MORN4: variants seen among roughly 807,000 people sequenced by gnomAD.
The protein encoded by MORN4 is MORN repeat containing 4.
Under a neutral mutation model 16.4 loss-of-function variants are expected in MORN4, and 8 were observed. That is an observed-to-expected ratio of 0.49 (90% CI 0.29 to 0.88). The LOEUF (loss-of-function observed/expected upper bound fraction) is 0.88. MORN4 is among the 40% of genes least tolerant of loss of function. MORN4 has a pLI of 0.09. For synonymous variants in MORN4, 53 were observed against 68.9 expected, an observed-to-expected ratio of 0.77 and a Z score of 1.14; for missense variants, 159 against 182.9, an observed-to-expected ratio of 0.87 and a Z score of 0.75.
intron 1 of MORN4, among the ~76,000 whole-genome samples, chr10:97,632,759 G>T (rs762427279): frequency 1.3e-5 from 2 of 151,608 alleles, no homozygotes; most frequent in African/African-American, 2.4e-5. Flanking sequence ...TGGGACTAGG[G>T]AGTAATACTG....
chr10:97,616,849 G>T, intron 3 of MORN4, 62 bp from the exon 4 acceptor site: 2 of 1,152,128 alleles, frequency 1.7e-6, no homozygotes, highest in Non-Finnish European at 2.6e-6. Context: ...GAACGGAGTC[G>T]AGCAGCTGCT....
chr10:97,614,919 CTG>C lies in MORN4; in HGVS notation c.*1342_*1343del, dbSNP rs1202941700. 6.6e-6 allele frequency: 1 copy of C among 152,614 alleles called. No homozygotes were observed. The highest frequency in any genetic ancestry group is 1.5e-5 in the Non-Finnish European group (1 of 68,062). The allele number at this position is 152,614 out of a possible 1,614,324, so 9.5% of individuals were successfully genotyped here. ...GATTTATTGGTCCACTGGGAAGAAA[CTG>C]TGTCAGCCCAAGCCATCCGTATGAA... is the stretch of plus-strand genomic sequence containing the variant. On this transcript the variant is annotated 3_prime_UTR_variant, in exon 5 of 5. Coordinates refer to ENST00000307450, the MANE Select transcript of MORN4 (RefSeq NM_178832.4).
At chr10:97,617,070 A>G in intron 3 of MORN4, 138 bp downstream of exon 3, 2 of 725,992 alleles carry the variant, frequency 2.8e-6, no homozygotes, top group Non-Finnish European at 4.7e-6. Context: ...AATAGCTAAT[A>G]AAAGAACTAC....
chr10:97,625,016 T>C (rs2041335366), intron 1 of MORN4, among the ~76,000 whole-genome samples: 1 of 152,198 alleles, frequency 6.6e-6, no homozygotes, highest in African/African-American at 2.4e-5. Context: ...TTTTAAAATA[T>C]ATTATCTAAT....
At position 97,628,867 on chromosome 10, in the gene MORN4, G is replaced by A. The variant is rs2041371327; in HGVS notation, c.-31+4480C>T. On this transcript the variant is annotated intron_variant, in intron 1 of 4. Transcript: ENST00000307450. ...TTTTTAGTATGCTGTTAGCTCTTGG[G>A]GATTATACCCTAAATATTTTAAGGA... Among the ~76,000 whole-genome samples, 4 of 152,138 alleles carry A rather than the reference G, an allele frequency of 2.6e-5. No individual in the cohort carries two copies. The South Asian group carries it at 8.3e-4, about 32-fold the overall frequency.
At chr10:97,624,669 C>A (rs931342053) in intron 1 of MORN4, among the ~76,000 whole-genome samples, 4 of 152,202 alleles carry the variant, frequency 2.6e-5, no homozygotes, top group African/African-American at 9.6e-5. Flanking sequence ...TCTTCCTCAT[C>A]AGCTTCCCAA....
At chr10:97,628,619 C>T (rs1182780158) in intron 1 of MORN4, among the ~76,000 whole-genome samples, 4 of 151,988 alleles carry the variant, frequency 2.6e-5, no homozygotes, top group Non-Finnish European at 5.9e-5. Context: ...CTGCAACCTC[C>T]GCCTCCCAGG....
At chr10:97,620,848 C>G (rs999375469) in intron 1 of MORN4, among the ~76,000 whole-genome samples, 1 of 151,884 alleles carries the variant, frequency 6.6e-6, no homozygotes. Context: ...ATAGGCCGGG[C>G]GTGGTAGCTC....
At chr10:97,626,454 TCTC>T (rs2041348372) in intron 1 of MORN4, among the ~76,000 whole-genome samples, 2 of 149,578 alleles carry the variant, frequency 1.3e-5, no homozygotes, top group African/African-American at 2.4e-5. Context: ...GCTTGTTCTC[TCTC>T]TTTTTTTTTT....
chr10:97,630,508 A>G (rs1021065460), intron 1 of MORN4, among the ~76,000 whole-genome samples: 7 of 152,186 alleles, frequency 4.6e-5, no homozygotes, highest in African/African-American at 1.4e-4. Context: ...CTTCCATTCC[A>G]TTTTGACTTA....
At chr10:97,628,469 C>G (rs538433888) in intron 1 of MORN4, among the ~76,000 whole-genome samples, 3 of 152,170 alleles carry the variant, frequency 2.0e-5, no homozygotes, top group African/African-American at 7.2e-5. Flanking sequence ...GAACATTTCT[C>G]CAGTTTGAGG....
At chr10:97,616,918 A>G (rs3829907) in intron 3 of MORN4, 131 bp from the exon 4 acceptor site, 39,300 of 680,132 alleles carry the variant, frequency 0.058, 3,827 homozygotes, top group African/African-American at 0.27. Context: ...ACATAGCTCC[A>G]CCTACCCCAC....
At chr10:97,622,826 C>A (rs2041313942) in intron 1 of MORN4, among the ~76,000 whole-genome samples, 1 of 150,628 alleles carries the variant, frequency 6.6e-6, no homozygotes, top group Non-Finnish European at 1.5e-5. Flanking sequence ...TTTTTTAATT[C>A]CCTAGGTCTC....
intron 2 of MORN4, chr10:97,619,330 A>T: frequency 8.7e-6 from 5 of 576,572 alleles, no homozygotes; most frequent in Non-Finnish European, 1.5e-5. Context: ...CCTCATCTCA[A>T]AAAACAAAAC....
chr10:97,633,458 A>G lies in MORN4; in HGVS notation c.-142T>C. On this transcript the variant is annotated 5_prime_UTR_variant, in exon 1 of 5. Transcript: ENST00000307450. This position sits in a 1 kb window ranked among gnomAD's most constrained non-coding sequence, Gnocchi z 4.5. ...CACCTTGCTCTCCGCCACCTCCACC[A>G]GCGATTGCCCCACTTGACGCCGCCA... The G allele has an allele frequency of 1.6e-6, 2 of 1,289,792 alleles. No individual in the cohort carries two copies. Among genetic ancestry groups the G allele is most frequent in the Non-Finnish European group, 2.0e-6 (2 of 988,820 alleles). 79.9% of individuals were successfully genotyped at this position (1,289,792 alleles called of 1,614,324 possible).
intron 1 of MORN4, among the ~76,000 whole-genome samples, chr10:97,632,459 C>T (rs1036967438): frequency 1.2e-4 from 19 of 152,146 alleles, no homozygotes; most frequent in Non-Finnish European, 1.6e-4. Context: ...CTTCGTGATC[C>T]ACCCGCCTCG....
chr10:97,631,459 T>A (rs1164330648), intron 1 of MORN4, among the ~76,000 whole-genome samples: 2 of 152,182 alleles, frequency 1.3e-5, no homozygotes, highest in African/African-American at 4.8e-5. Context: ...CCCAGACATT[T>A]CTTTTTAATT....
intron 2 of MORN4, chr10:97,619,299 T>C: frequency 3.7e-6 from 2 of 533,362 alleles, no homozygotes; most frequent in South Asian, 5.5e-5. Flanking sequence ...CACTCCAGCC[T>C]AGGCAACATA....
chr10:97,622,745 C>T (rs1190520979), intron 1 of MORN4, among the ~76,000 whole-genome samples: 1 of 150,074 alleles, frequency 6.7e-6, no homozygotes, highest in Non-Finnish European at 1.5e-5. Flanking sequence ...AGATACCCCC[C>T]AAAATCATTA....
Sources: allele counts gnomAD v4.1 joint callset (sites outside exome capture counted in the v4.1 genomes callset), GRCh38; gene constraint gnomAD v4.1.1; non-coding constraint Gnocchi (gnomAD v3.1); transcripts MANE v1.5; gene names NCBI Gene and HGNC (gene_info 2026-07-23, HGNC 2026-07-21).